SNX29: variants seen among roughly 807,000 people sequenced by gnomAD.
SNX29 encodes the protein sorting nexin-29.
In SNX29, 78 loss-of-function variants were observed where a neutral mutation model predicts 102.1. That is an observed-to-expected ratio of 0.76 (90% CI 0.64 to 0.92). The LOEUF (loss-of-function observed/expected upper bound fraction) is 0.92, where lower values mean the gene tolerates loss of function less well. Ranked by LOEUF, SNX29 falls within the 40% of genes least tolerant of loss-of-function variation. The probability of loss-of-function intolerance (pLI) is 0.00; values close to 1 mark genes in which losing one functional copy is unlikely to be tolerated. For synonymous variants in SNX29, 580 were observed against 414.5 expected (o/e 1.40, Z -4.85); for missense variants, 1,280 against 1,061.7 (o/e 1.21, Z -2.86).
chr16:12,039,776 T>C (rs1596664202), intron 4 of SNX29, among the ~76,000 whole-genome samples: 2 of 152,330 alleles, frequency 1.3e-5, no homozygotes, highest in African/African-American at 4.8e-5. Context: ...TTTAGTGGTT[T>C]GCAGTGAGCT....
intron 11 of SNX29, chr16:12,090,060 G>T (rs1449211098): frequency 6.4e-6 from 1 of 156,346 alleles, no homozygotes. Flanking sequence ...CTGGAGCCAG[G>T]ATGCGGGGTG....
At chr16:12,531,727 C>T (rs927550916) in intron 20 of SNX29, among the ~76,000 whole-genome samples, 3 of 152,138 alleles carry the variant, frequency 2.0e-5, no homozygotes, top group Non-Finnish European at 4.4e-5. Flanking sequence ...CGCTTGGGAG[C>T]AGATGAGATG....
intron 20 of SNX29, among the ~76,000 whole-genome samples, chr16:12,542,591 C>G (rs1447046094): frequency 1.3e-5 from 2 of 152,214 alleles, no homozygotes; most frequent in East Asian, 1.9e-4. Flanking sequence ...CTCAGCCTCC[C>G]AAAGTGCTGG....
chr16:12,477,871 T>G lies in SNX29; in HGVS notation c.2178+12T>G. On this transcript the variant is annotated intron_variant, in intron 19 of 20. Transcript: ENST00000566228. ...CCATTGGAAACAAGGTACCATCCCG[T>G]GCTGGGAAGCCCACTTGTCACTGCC... The G allele has an allele frequency of 6.4e-7, 1 of 1,573,566 alleles. No individual in the cohort carries two copies. Among genetic ancestry groups the G allele is most frequent in the South Asian group, 1.2e-5 (1 of 84,538 alleles).
At chr16:12,063,362 C>T (rs1222376162) in intron 9 of SNX29, among the ~76,000 whole-genome samples, 2 of 79,524 alleles carry the variant, frequency 2.5e-5, no homozygotes, top group Admixed American at 1.6e-4. Flanking sequence ...TTTTCCTAGT[C>T]CATCTTTTTT....
chr16:12,548,817 G>A (rs2077776342), intron 20 of SNX29, among the ~76,000 whole-genome samples: 2 of 152,280 alleles, frequency 1.3e-5, no homozygotes, highest in African/African-American at 4.8e-5. Context: ...GTTTTCCTAT[G>A]GCAGGCCCAG....
At chr16:12,556,350 C>T (rs375693899) in intron 20 of SNX29, 3 of 152,230 alleles carry the variant, frequency 2.0e-5, no homozygotes, top group Non-Finnish European at 2.9e-5. Flanking sequence ...GGACTTCACT[C>T]ACCTGGTTGA....
chr16:12,428,153 A>G (rs2085159876), intron 18 of SNX29, among the ~76,000 whole-genome samples: 1 of 152,180 alleles, frequency 6.6e-6, no homozygotes. Flanking sequence ...CCATCATGCA[A>G]ATGTGATTCT....
chr16:12,031,540 C>G (rs1481645710), intron 4 of SNX29, among the ~76,000 whole-genome samples: 3 of 151,744 alleles, frequency 2.0e-5, no homozygotes, highest in Admixed American at 6.6e-5. Flanking sequence ...GGCGTGGTGG[C>G]TCATGCCTGT....
intron 1 of SNX29, among the ~76,000 whole-genome samples, chr16:11,985,028 C>A (rs905834317): frequency 1.3e-5 from 2 of 151,826 alleles, no homozygotes; most frequent in Non-Finnish European, 2.9e-5. Context: ...AGTTTTCCAT[C>A]CCTTAGATTA....
intron 4 of SNX29, among the ~76,000 whole-genome samples, chr16:12,035,007 C>T (rs971959198): frequency 6.6e-6 from 1 of 151,286 alleles, no homozygotes; most frequent in Non-Finnish European, 1.5e-5. Flanking sequence ...CAAGACTCCA[C>T]CTCAAAAAAA....
intron 20 of SNX29, chr16:12,561,170 T>G (rs1430636564): frequency 8.7e-6 from 2 of 230,162 alleles, no homozygotes; most frequent in African/African-American, 4.4e-5. Context: ...CAAAGGCTAT[T>G]CAGCCTGGCA....
chr16:12,472,393 C>T (rs982395394), intron 18 of SNX29, among the ~76,000 whole-genome samples: 15 of 152,038 alleles, frequency 9.9e-5, no homozygotes, highest in Admixed American at 9.2e-4. Flanking sequence ...GTGGCAGGCA[C>T]CTGTAATCCC....
chr16:12,305,072 A>G (rs1044591642), intron 15 of SNX29, among the ~76,000 whole-genome samples: 3 of 152,244 alleles, frequency 2.0e-5, no homozygotes, highest in Non-Finnish European at 4.4e-5. Context: ...TAGGAACATC[A>G]ATTATCATAG....
chr16:12,035,778 C>T (rs1020761074), intron 4 of SNX29, among the ~76,000 whole-genome samples: 2 of 152,102 alleles, frequency 1.3e-5, no homozygotes, highest in African/African-American at 4.8e-5. Flanking sequence ...AGTCCTTTAT[C>T]TCGGTGAGGG....
intron 4 of SNX29, among the ~76,000 whole-genome samples, chr16:12,035,198 A>G (rs961696354): frequency 2.8e-5 from 4 of 143,944 alleles, no homozygotes; most frequent in African/African-American, 1.0e-4. Context: ...CGTCTTAGAA[A>G]TTTCCCTTTT....
intron 20 of SNX29, among the ~76,000 whole-genome samples, chr16:12,544,962 G>A (rs980896667): frequency 6.6e-6 from 1 of 152,236 alleles, no homozygotes; most frequent in African/African-American, 2.4e-5. Context: ...TGAGGAAACA[G>A]GCTCAGAGAG....
intron 20 of SNX29, among the ~76,000 whole-genome samples, chr16:12,530,652 T>C (rs910090141): frequency 2.0e-5 from 3 of 151,846 alleles, no homozygotes; most frequent in African/African-American, 7.3e-5. Context: ...CTCTTCTGGG[T>C]TCAAGCGATT....
rs1023355352 is a variant in SNX29 at position 12,570,565 on chromosome 16, A to T, written c.*1936A>T. The T allele has an allele frequency of 3.0e-5, 7 of 232,160 alleles. No homozygotes were observed. Among genetic ancestry groups the T allele is most frequent in the African/African-American group, 1.5e-4 (7 of 45,278 alleles). The allele number at this position is 232,160 out of a possible 1,614,324, so 14.4% of individuals were successfully genotyped here. ...TTGATGCCAGCTCAGAGACTGTCTC[A>T]GGAGTGCCTCCCTGGCCTGGGTAGC... is the stretch of plus-strand genomic sequence containing the variant. On this transcript the variant is annotated 3_prime_UTR_variant, in exon 21 of 21. Coordinates refer to ENST00000566228, the MANE Select transcript of SNX29 (RefSeq NM_032167.5).
Sources: allele counts gnomAD v4.1 joint callset (sites outside exome capture counted in the v4.1 genomes callset), GRCh38; gene constraint gnomAD v4.1.1; transcripts MANE v1.5; gene names NCBI Gene and HGNC (gene_info 2026-07-23, HGNC 2026-07-21).